LIPI: variants seen among roughly 807,000 people sequenced by gnomAD.
LIPI encodes lipase I.
A neutral mutation model predicts 50.6 loss-of-function variants in LIPI; 59 were observed. The ratio of observed to expected loss-of-function variants is 1.16; its 90% CI spans 0.94 to 1.45. The LOEUF (loss-of-function observed/expected upper bound fraction) is 1.45, where lower values mean the gene tolerates loss of function less well. Ranked by LOEUF, LIPI falls within the 40% of genes most tolerant of loss-of-function variation. LIPI has a pLI of 0.00. For synonymous variants in LIPI, 203 were observed against 178.2 expected, an observed-to-expected ratio of 1.14 and a Z score of -1.11; for missense variants, 586 against 536.3, an observed-to-expected ratio of 1.09 and a Z score of -0.92.
At position 14,144,695 on chromosome 21, in the gene LIPI, G is replaced by T; in HGVS notation, c.1223C>A (p.Ser408Ter). 2.5e-6 allele frequency: 4 copies of T among 1,585,582 alleles called. No individual in the cohort carries two copies. Among genetic ancestry groups the T allele is most frequent in the Non-Finnish European group, 3.5e-6 (4 of 1,154,556 alleles). Residue 408 changes from serine to a stop codon, truncating the protein, a stop_gained, in exon 9 of 10, where the codon TCA becomes TAA. Coordinates refer to ENST00000681601, the MANE Select transcript of LIPI (RefSeq NM_001302998.2). LOFTEE classifies it high-confidence loss of function. ...TGTGCATGTGGAACACTGCAGATTT[G>T]AGCTCTGGAAATATGTCAAACCAAT... ...SSIGLTYFQS[S>*]NLQCSTCTYK...
intron 7 of LIPI, among the ~76,000 whole-genome samples, chr21:14,157,508 C>T (rs1431557617): frequency 1.3e-5 from 2 of 151,794 alleles, no homozygotes; most frequent in East Asian, 1.9e-4. Flanking sequence ...CGGAGATCCA[C>T]CAGGCTTTGG....
chr21:14,127,415 C>T lies in LIPI; in HGVS notation c.1295+17208G>A, dbSNP rs1600838841. Among the ~76,000 whole-genome samples the T allele has an allele frequency of 2.6e-5, 4 of 152,244 alleles. No individual in the cohort carries two copies. In the East Asian group the frequency reaches 7.7e-4, roughly 29 times the overall value. ...AATGTAGAGAGTTTTGCTCAACAAC[C>T]ACAAAATGTATTTTAGTATTTTTTC... is the stretch of plus-strand genomic sequence containing the variant. On this transcript the variant is annotated intron_variant, in intron 9 of 9. Transcript: ENST00000681601.
intron 9 of LIPI, among the ~76,000 whole-genome samples, chr21:14,120,642 A>G (rs899528303): frequency 6.6e-6 from 1 of 152,202 alleles, no homozygotes; most frequent in African/African-American, 2.4e-5. Context: ...GACTTATGTT[A>G]TGCCCTCATT....
Position 14,163,538 on chromosome 21 carries a change from A to C in LIPI, c.902-15T>G. On this transcript the variant is annotated splice_polypyrimidine_tract_variant and intron_variant, in intron 6 of 9. Coordinates refer to ENST00000681601, the MANE Select transcript of LIPI (RefSeq NM_001302998.2). Reference sequence around the variant, plus strand: ...GGCTTGATAACCTGAGATTTGAGAAATAGAACATTAGAAATTGGATTTCCA... The same window carrying C: ...GGCTTGATAACCTGAGATTTGAGAACTAGAACATTAGAAATTGGATTTCCA... 8.4e-7 allele frequency: 1 copy of C among 1,193,298 alleles called. No individual in the cohort carries two copies. The highest frequency in any genetic ancestry group is 1.9e-4 in the Middle Eastern group (1 of 5,264). The allele number at this position is 1,193,298 out of a possible 1,614,324, so 73.9% of individuals were successfully genotyped here.
chr21:14,199,822 T>C (rs2019990237), intron 1 of LIPI, among the ~76,000 whole-genome samples: 1 of 151,864 alleles, frequency 6.6e-6, no homozygotes, highest in African/African-American at 2.4e-5. Flanking sequence ...CAGGCCAATA[T>C]CATTGATGAA....
intron 4 of LIPI, among the ~76,000 whole-genome samples, chr21:14,176,346 G>C (rs992869240): frequency 1.3e-5 from 2 of 151,530 alleles, no homozygotes; most frequent in Non-Finnish European, 2.9e-5. Flanking sequence ...CTCCATTTCT[G>C]TGTGTTTCTA....
chr21:14,186,193 G>T (rs994155901), intron 2 of LIPI, 124 bp from the exon 3 acceptor site: 1 of 677,234 alleles, frequency 1.5e-6, no homozygotes, highest in Non-Finnish European at 2.7e-6. Flanking sequence ...TGGGGATATC[G>T]GGAAAGAGAC....
At chr21:14,126,658 C>T (rs2017078960) in intron 9 of LIPI, among the ~76,000 whole-genome samples, 1 of 152,116 alleles carries the variant, frequency 6.6e-6, no homozygotes, top group Non-Finnish European at 1.5e-5. Flanking sequence ...AAGTAATCTA[C>T]AGATAAGGTT....
At chr21:14,195,334 AC>A (rs1197726029) in intron 1 of LIPI, among the ~76,000 whole-genome samples, 2 of 152,114 alleles carry the variant, frequency 1.3e-5, no homozygotes, top group African/African-American at 4.8e-5. Context: ...GTCACATTAG[AC>A]TAGGAGAGAT....
intron 9 of LIPI, among the ~76,000 whole-genome samples, chr21:14,111,499 C>CAT (rs1383388952): frequency 6.6e-6 from 1 of 151,998 alleles, no homozygotes; most frequent in Non-Finnish European, 1.5e-5. Context: ...CACCCCTTAT[C>CAT]ATATATATAC....
rs2018845323 is a variant in LIPI at position 14,170,242 on chromosome 21, A to T, written c.644-3791T>A. On this transcript the variant is annotated intron_variant, in intron 4 of 9. Coordinates refer to ENST00000681601, the MANE Select transcript of LIPI (RefSeq NM_001302998.2). ...AATCAATAGCTTACCAACCAAAAAG[A>T]GTCCAGGACCAGATGGATTCACAGC... 1.3e-5 allele frequency among the ~76,000 whole-genome samples: 2 copies of T among 152,228 alleles called. 1 individual carries two copies. Among genetic ancestry groups the T allele is most frequent in the Admixed American group, 1.3e-4 (2 of 15,276 alleles).
intron 4 of LIPI, among the ~76,000 whole-genome samples, chr21:14,174,441 A>G (rs989398806): frequency 6.6e-6 from 1 of 152,212 alleles, no homozygotes; most frequent in African/African-American, 2.4e-5. Flanking sequence ...GTAAAGAAAT[A>G]GCACCTGGGA....
intron 1 of LIPI, among the ~76,000 whole-genome samples, chr21:14,198,591 A>T (rs1210262872): frequency 6.6e-6 from 1 of 152,178 alleles, no homozygotes; most frequent in Non-Finnish European, 1.5e-5. Context: ...TATGTACCCA[A>T]CACAGGAGCA....
At chr21:14,205,398 AAATAC>A (rs2020196394) in intron 1 of LIPI, among the ~76,000 whole-genome samples, 1 of 151,976 alleles carries the variant, frequency 6.6e-6, no homozygotes. Context: ...ATGTAAAATG[AAATAC>A]AATAAGATAA....
In LIPI at chr21:14,142,115, T is replaced by C. The variant is rs989718328; in HGVS notation, c.1295+2508A>G. On this transcript the variant is annotated intron_variant, in intron 9 of 9. Transcript: ENST00000681601. ...GCCTTAGTGGACTACAAATATAATT[T>C]CTATTCTTATGTTTAGTGGAGGCTT... is the stretch of plus-strand genomic sequence containing the variant. Among the ~76,000 whole-genome samples the C allele has an allele frequency of 5.9e-5, 9 of 152,116 alleles. 1 individual carries two copies. The highest frequency in any genetic ancestry group is 2.6e-4 in the Admixed American group (4 of 15,248).
intron 1 of LIPI, among the ~76,000 whole-genome samples, chr21:14,193,425 T>A (rs1391073934): frequency 6.6e-6 from 1 of 151,994 alleles, no homozygotes; most frequent in African/African-American, 2.4e-5. Context: ...GTAGGTAGAC[T>A]AAACAACCCC....
chr21:14,143,374 T>C (rs184661602), intron 9 of LIPI: 2 of 152,320 alleles, frequency 1.3e-5, no homozygotes, highest in Non-Finnish European at 2.9e-5. Context: ...CAACATCTGA[T>C]TTATTGACTT....
intron 9 of LIPI, among the ~76,000 whole-genome samples, chr21:14,120,419 CAAAG>C (rs1015150178): frequency 4.6e-5 from 7 of 151,964 alleles, no homozygotes; most frequent in Admixed American, 4.6e-4. Context: ...GAGCCATTTA[CAAAG>C]AAAGAGAACT....
chr21:14,176,985 A>C (rs1395027500), intron 4 of LIPI, among the ~76,000 whole-genome samples: 1 of 152,092 alleles, frequency 6.6e-6, no homozygotes, highest in Non-Finnish European at 1.5e-5. Context: ...TTTGTGTTTC[A>C]GAAGACTGTA....
Sources: gnomAD v4.1 joint callset for allele counts (sites outside exome capture counted in the v4.1 genomes callset) on GRCh38, gnomAD v4.1.1 for gene constraint, MANE v1.5 for transcripts, NCBI Gene and HGNC (gene_info 2026-07-23, HGNC 2026-07-21) for gene names.